GBE1: variants seen among roughly 807,000 people sequenced by gnomAD.
GBE1 encodes 1,4-alpha-glucan branching enzyme 1.
Under a neutral mutation model 88.8 loss-of-function variants are expected in GBE1, and 70 were observed. The observed-to-expected ratio is 0.79, with a 90% CI of 0.65 to 0.96. GBE1 has a LOEUF of 0.96. GBE1 is among the 40% of genes least tolerant of loss of function. GBE1 has a pLI of 0.00. For synonymous variants in GBE1, 284 were observed against 300.1 expected (o/e 0.95, Z 0.56); for missense variants, 872 against 871.0 (o/e 1.00, Z -0.01).
At chr3:81,533,197 C>T (rs1287121527) in intron 14 of GBE1, among the ~76,000 whole-genome samples, 1 of 152,050 alleles carries the variant, frequency 6.6e-6, no homozygotes, top group Non-Finnish European at 1.5e-5. Context: ...AGTCTAGGAG[C>T]ATTACTTTAG....
rs138559590 is a variant in GBE1 at position 81,669,877 on chromosome 3, A to G, written c.429+961T>C. On this transcript the variant is annotated intron_variant, in intron 3 of 15. Transcript: ENST00000429644. ...ATCTTATTAAATTTTACATACACTT[A>G]TAATTTCATTATTTATAAAATATTT... Among the ~76,000 whole-genome samples the G allele has an allele frequency of 4.1e-3, 626 of 152,272 alleles. 9 individuals are homozygous for G. The highest frequency in any genetic ancestry group is 0.014 in the Middle Eastern group (4 of 294).
At chr3:81,698,613 C>A (rs1705638778) in intron 2 of GBE1, among the ~76,000 whole-genome samples, 1 of 152,084 alleles carries the variant, frequency 6.6e-6, no homozygotes, top group Non-Finnish European at 1.5e-5. Flanking sequence ...AGTCATAGAT[C>A]ATCACTTTAT....
At chr3:81,681,801 T>C (rs1377280874) in intron 2 of GBE1, among the ~76,000 whole-genome samples, 1 of 152,178 alleles carries the variant, frequency 6.6e-6, no homozygotes, top group Non-Finnish European at 1.5e-5. Flanking sequence ...CCTCGAAGCA[T>C]ATACAAAACT....
At chr3:81,547,266 T>C (rs1703217956) in intron 12 of GBE1, among the ~76,000 whole-genome samples, 1 of 151,444 alleles carries the variant, frequency 6.6e-6, no homozygotes, top group Non-Finnish European at 1.5e-5. Context: ...TTAGGAATGT[T>C]AGAGTCCTTT....
At chr3:81,597,159 G>A (rs1294557095) in intron 7 of GBE1, among the ~76,000 whole-genome samples, 3 of 151,692 alleles carry the variant, frequency 2.0e-5, no homozygotes, top group Non-Finnish European at 4.4e-5. Flanking sequence ...CAATAAAAAA[G>A]GCAATTTACT....
At chr3:81,595,026 T>C (rs1703937705) in intron 7 of GBE1, among the ~76,000 whole-genome samples, 1 of 151,688 alleles carries the variant, frequency 6.6e-6, no homozygotes, top group Non-Finnish European at 1.5e-5. Context: ...GTCATCAAAA[T>C]TAACTTCAGA....
chr3:81,502,322 C>A (rs1024123557), intron 14 of GBE1, among the ~76,000 whole-genome samples: 1 of 152,108 alleles, frequency 6.6e-6, no homozygotes, highest in African/African-American at 2.4e-5. Flanking sequence ...AATCTACTTA[C>A]TTTATATAAT....
intron 2 of GBE1, among the ~76,000 whole-genome samples, chr3:81,703,806 C>T (rs1233063574): frequency 1.3e-5 from 2 of 151,860 alleles, no homozygotes; most frequent in African/African-American, 4.8e-5. Context: ...GTCATTATTC[C>T]ATAAACAATA....
At chr3:81,528,389 A>G (rs1048212105) in intron 14 of GBE1, among the ~76,000 whole-genome samples, 5 of 152,078 alleles carry the variant, frequency 3.3e-5, no homozygotes, top group African/African-American at 1.2e-4. Flanking sequence ...AAAAAAGACA[A>G]TCATAAAACA....
chr3:81,660,606 A>G (rs953131716), intron 3 of GBE1, among the ~76,000 whole-genome samples: 5 of 152,094 alleles, frequency 3.3e-5, no homozygotes, highest in Non-Finnish European at 7.4e-5. Context: ...AAAAAAAATT[A>G]TATGTTCATG....
intron 3 of GBE1, among the ~76,000 whole-genome samples, chr3:81,655,548 C>T (rs1207279586): frequency 6.6e-6 from 1 of 151,906 alleles, no homozygotes; most frequent in Non-Finnish European, 1.5e-5. Context: ...TGGAGTTTTA[C>T]TCTTGTCGCC....
rs143557475 is a variant in GBE1 at position 81,756,799 on chromosome 3, T to G, written c.143+4576A>C. Among the ~76,000 whole-genome samples, 743 of 152,324 alleles carry G rather than the reference T, an allele frequency of 4.9e-3. 5 individuals are homozygous for G. Among genetic ancestry groups the G allele is most frequent in the African/African-American group, 0.013 (541 of 41,578 alleles). ...AGCATGTACAAAAGCACAGCTTCAC[T>G]GAGGGCTAAACCAAAACATGTGGCA... On this transcript the variant is annotated intron_variant, in intron 1 of 15. Transcript: ENST00000429644.
intron 12 of GBE1, among the ~76,000 whole-genome samples, chr3:81,540,047 A>G (rs139633267): frequency 1.5e-3 from 227 of 152,124 alleles, no homozygotes; most frequent in African/African-American, 5.3e-3. Flanking sequence ...GACTGAGAGC[A>G]ATGGTTAGCA....
intron 1 of GBE1, among the ~76,000 whole-genome samples, chr3:81,726,137 A>G (rs1706109209): frequency 6.6e-6 from 1 of 152,066 alleles, no homozygotes; most frequent in African/African-American, 2.4e-5. Flanking sequence ...AAATTCAATT[A>G]TATGTATTTT....
chr3:81,661,151 T>C (rs920509699), intron 3 of GBE1, among the ~76,000 whole-genome samples: 6 of 152,040 alleles, frequency 3.9e-5, no homozygotes, highest in African/African-American at 1.4e-4. Context: ...AAAAAAAATG[T>C]GAGAAAGTGT....
intron 3 of GBE1, among the ~76,000 whole-genome samples, chr3:81,663,196 G>A (rs1455276824): frequency 6.6e-6 from 1 of 152,148 alleles, no homozygotes; most frequent in Non-Finnish European, 1.5e-5. Context: ...AAGCACTCCT[G>A]CCCTTCCAGC....
intron 3 of GBE1, among the ~76,000 whole-genome samples, chr3:81,655,152 T>C (rs1704915269): frequency 6.6e-6 from 1 of 152,226 alleles, no homozygotes; most frequent in Non-Finnish European, 1.5e-5. Flanking sequence ...CATATATATG[T>C]ATATGTGTAT....
chr3:81,517,181 G>GCCACCACAACCTTTAGAAAC (rs1702808684), intron 14 of GBE1, among the ~76,000 whole-genome samples: 2 of 151,392 alleles, frequency 1.3e-5, no homozygotes, highest in African/African-American at 4.8e-5. Context: ...TGTTGTCTTA[G>GCCACCACAACCTTTAGAAAC]CCACCACAAC....
At chr3:81,612,045 A>G (rs1215753880) in intron 7 of GBE1, among the ~76,000 whole-genome samples, 2 of 152,116 alleles carry the variant, frequency 1.3e-5, no homozygotes, top group Non-Finnish European at 2.9e-5. Context: ...TGCATTAATC[A>G]GTACTAACTT....
Sources: gnomAD v4.1 joint callset for allele counts (sites outside exome capture counted in the v4.1 genomes callset) on GRCh38, gnomAD v4.1.1 for gene constraint, MANE v1.5 for transcripts, NCBI Gene and HGNC (gene_info 2026-07-23, HGNC 2026-07-21) for gene names.